IL1RL1: variants seen among roughly 807,000 people sequenced by gnomAD.
IL1RL1 encodes interleukin 1 receptor like 1, also known as interleukin-1 receptor-like 1.
Under a neutral mutation model 50.9 loss-of-function variants are expected in IL1RL1, and 32 were observed. That is an observed-to-expected ratio of 0.63 (90% confidence interval 0.47 to 0.84). The LOEUF is 0.84. IL1RL1 is among the 40% of genes least tolerant of loss of function. The probability of loss-of-function intolerance (pLI) is 0.00; values close to 1 mark genes in which losing one functional copy is unlikely to be tolerated. For synonymous variants in IL1RL1, 275 were observed against 236.0 expected (o/e 1.17, Z -1.51); for missense variants, 773 against 662.9 (o/e 1.17, Z -1.82).
At chr2:102,312,038 A>ATAT in intron 1 of IL1RL1, among the ~76,000 whole-genome samples, 1 of 71,628 alleles carries the variant, frequency 1.4e-5, no homozygotes, top group African/African-American at 6.2e-5. Flanking sequence ...TTATATATTA[A>ATAT]ATATTATATA....
intron 1 of IL1RL1, among the ~76,000 whole-genome samples, chr2:102,313,718 C>A (rs925247893): frequency 6.6e-6 from 1 of 152,206 alleles, no homozygotes; most frequent in Non-Finnish European, 1.5e-5. Flanking sequence ...TTGAGCCAGG[C>A]TGACATCCAT....
At chr2:102,332,663 G>A (rs113358520) in intron 1 of IL1RL1, among the ~76,000 whole-genome samples, 10 of 152,228 alleles carry the variant, frequency 6.6e-5, no homozygotes, top group African/African-American at 2.4e-4. Context: ...GGAAGAGGAA[G>A]AATGGGGACT....
intron 10 of IL1RL1, 66 bp downstream of exon 10, chr2:102,349,312 C>A: frequency 7.6e-7 from 1 of 1,309,424 alleles, no homozygotes; most frequent in Non-Finnish European, 1.1e-6. Context: ...ACTAGGTGGC[C>A]TTATCCCTGC....
chr2:102,348,439 G>T (rs547488167), intron 9 of IL1RL1, among the ~76,000 whole-genome samples: 61 of 152,244 alleles, frequency 4.0e-4, no homozygotes, highest in African/African-American at 1.5e-3. Context: ...TAGCAAAATT[G>T]TTCCTGTTTT....
At chr2:102,341,026 G>T (rs1055792386) in intron 5 of IL1RL1, among the ~76,000 whole-genome samples, 198 bp downstream of exon 5, 1 of 152,074 alleles carries the variant, frequency 6.6e-6, no homozygotes, top group African/African-American at 2.4e-5. Context: ...AATTTCAGGG[G>T]GAAATTACAT....
In IL1RL1 at chr2:102,338,914, G is replaced by A. The variant is rs201523855; in HGVS notation, c.139G>A (p.Asp47Asn). ...ACAAGGAAAACCTAGTTACACCGTG[G>A]ATTGGTATTACTCACAAACAAACAA... ...PRQGKPSYTV[D>N]WYYSQTNKSI... Residue 47 changes from aspartate (D) to asparagine (N), a missense_variant, in exon 3 of 11, where the codon GAT becomes AAT. By Grantham distance (23) the Asp-to-Asn change is conservative. Coordinates refer to ENST00000233954, the MANE Select transcript of IL1RL1 (RefSeq NM_016232.5). 1.2e-6 allele frequency: 2 copies of A among 1,613,632 alleles called. No individual in the cohort carries two copies. Among genetic ancestry groups the A allele is most frequent in the East Asian group, 2.2e-5 (1 of 44,874 alleles).
intron 8 of IL1RL1, chr2:102,343,737 G>T (rs1345048183): frequency 8.0e-7 from 1 of 1,248,296 alleles, no homozygotes; most frequent in South Asian, 2.1e-5. Context: ...GAAAGGAAAT[G>T]CACCAACAAC....
downstream of IL1RL1, chr2:102,352,109 C>A (rs1015814125): frequency 5.3e-6 from 3 of 565,046 alleles, no homozygotes; most frequent in East Asian, 2.9e-5. Context: ...AAATTTTTCT[C>A]CTCAATCCTC....
chr2:102,325,959 C>A (rs962599614), intron 1 of IL1RL1, among the ~76,000 whole-genome samples: 3 of 152,208 alleles, frequency 2.0e-5, no homozygotes, highest in Admixed American at 6.5e-5. Flanking sequence ...CTTCCCCAAT[C>A]TAGCAAGGCA....
Position 102,339,812 on chromosome 2 carries a change from AT to A in IL1RL1, c.273-284del, listed in dbSNP as rs573573424. On this transcript the variant is annotated intron_variant, in intron 3 of 10. Transcript: ENST00000233954. ...CAGAGTAAACTCTGAATAAATAGTA[AT>A]TATCTTTATTACACTGGGATTACAG... Among the ~76,000 whole-genome samples, 23 of 152,330 alleles carry A rather than the reference AT, an allele frequency of 1.5e-4. No individual in the cohort carries two copies. In the East Asian group the frequency reaches 4.0e-3, roughly 27 times the overall value.
chr2:102,341,360 A>G, intron 5 of IL1RL1: 1 of 1,195,820 alleles, frequency 8.4e-7, no homozygotes, highest in East Asian at 6.8e-5. Context: ...GGCCTTGAGT[A>G]AGTCACTTCA....
At chr2:102,319,458 A>C (rs1676774919) in intron 1 of IL1RL1, among the ~76,000 whole-genome samples, 1 of 152,184 alleles carries the variant, frequency 6.6e-6, no homozygotes, top group African/African-American at 2.4e-5. Flanking sequence ...AACAAAATGA[A>C]GGTAAATATT....
intron 1 of IL1RL1, among the ~76,000 whole-genome samples, chr2:102,326,476 T>A (rs1462034216): frequency 4.6e-5 from 7 of 151,834 alleles, no homozygotes; most frequent in Non-Finnish European, 8.8e-5. Context: ...AACATCATAA[T>A]GATAGGATCA....
chr2:102,344,746 T>C (rs967846700), intron 8 of IL1RL1: 2 of 943,226 alleles, frequency 2.1e-6, no homozygotes, highest in East Asian at 1.1e-4. Context: ...AATGTTTTTT[T>C]TGTGTACATT....
chr2:102,317,311 G>A (rs561386647), intron 1 of IL1RL1, among the ~76,000 whole-genome samples: 7 of 152,002 alleles, frequency 4.6e-5, no homozygotes, highest in African/African-American at 7.2e-5. Flanking sequence ...CCCAGATGGC[G>A]CCACCGCACT....
At chr2:102,326,403 A>T (rs1244264945) in intron 1 of IL1RL1, among the ~76,000 whole-genome samples, 3 of 152,198 alleles carry the variant, frequency 2.0e-5, no homozygotes, top group Non-Finnish European at 4.4e-5. Context: ...AAAACATGCC[A>T]AATTGTAAAG....
intron 1 of IL1RL1, among the ~76,000 whole-genome samples, chr2:102,326,406 T>C (rs1484614429): frequency 6.6e-6 from 1 of 152,008 alleles, no homozygotes; most frequent in African/African-American, 2.4e-5. Flanking sequence ...ACATGCCAAA[T>C]TGTAAAGACC....
Position 102,338,320 on chromosome 2 carries a change from A to T in IL1RL1, c.56A>T (p.Lys19Met), listed in dbSNP as rs771730337. Residue 19 changes from lysine (K) to methionine (M), a missense_variant, in exon 2 of 11, where the codon AAG becomes ATG. Coordinates refer to ENST00000233954, the MANE Select transcript of IL1RL1 (RefSeq NM_016232.5). ...ATTCTCATGTATTCCACAGCAGCAA[A>T]GTTTAGTAAGTATTGCCTTCTAAGT... Reference protein sequence around the residue: ...LTILMYSTAAKFSKQSWGLEN... With the variant: ...LTILMYSTAAMFSKQSWGLEN... 63 of 1,570,362 alleles carry T rather than the reference A, an allele frequency of 4.0e-5. No homozygotes were observed. Among genetic ancestry groups the T allele is most frequent in the Non-Finnish European group, 4.4e-6 (5 of 1,143,234 alleles).
chr2:102,334,176 T>C (rs906133708), intron 1 of IL1RL1, among the ~76,000 whole-genome samples: 1 of 152,328 alleles, frequency 6.6e-6, no homozygotes, highest in South Asian at 2.1e-4. Flanking sequence ...TCCTTAGAGA[T>C]TGAACTAATT....
Sources: allele counts gnomAD v4.1 joint callset (sites outside exome capture counted in the v4.1 genomes callset), GRCh38; gene constraint gnomAD v4.1.1; transcripts MANE v1.5; gene names NCBI Gene and HGNC (gene_info 2026-07-23, HGNC 2026-07-21).